SLC2A9: variants seen among roughly 807,000 people sequenced by gnomAD.
SLC2A9 encodes solute carrier family 2 member 9.
A neutral mutation model predicts 50.6 loss-of-function variants in SLC2A9; 39 were observed. The observed-to-expected ratio is 0.77, with a 90% CI of 0.60 to 1.01. The LOEUF (loss-of-function observed/expected upper bound fraction) is 1.01. Ranked by LOEUF, SLC2A9 falls within the 50% of genes least tolerant of loss-of-function variation. SLC2A9 has a pLI of 0.00. For missense variants in SLC2A9, 686 were observed against 677.6 expected (o/e 1.01, Z -0.14); for synonymous variants, 324 against 276.9 (o/e 1.17, Z -1.69).
chr4:10,002,757 G>T (rs1242686077), intron 2 of SLC2A9, among the ~76,000 whole-genome samples: 3 of 152,196 alleles, frequency 2.0e-5, no homozygotes, highest in Non-Finnish European at 2.9e-5. Context: ...GGAGGCTGAG[G>T]CTGGGGAATA....
intron 10 of SLC2A9, chr4:9,879,432 G>A (rs1424263665): frequency 1.0e-6 from 1 of 985,336 alleles, no homozygotes; most frequent in African/African-American, 1.7e-5. Context: ...GCAGCTGCCT[G>A]TGGCTCCAGA....
chr4:9,789,602 G>T (rs1173794658), intron 3 of SLC2A9, among the ~76,000 whole-genome samples: 1 of 152,180 alleles, frequency 6.6e-6, no homozygotes, highest in Non-Finnish European at 1.5e-5. Flanking sequence ...TGAGGGGAGA[G>T]TTAAGCGGAG....
intron 6 of SLC2A9, chr4:9,924,173 T>C (rs1255436043): frequency 6.6e-6 from 1 of 152,252 alleles, no homozygotes; most frequent in African/African-American, 2.4e-5. Context: ...CATTATCTTA[T>C]GACCAACAAG....
chr4:9,956,336 A>T (rs1201472234), intron 5 of SLC2A9, among the ~76,000 whole-genome samples: 1 of 151,406 alleles, frequency 6.6e-6, no homozygotes, highest in East Asian at 2.0e-4. Context: ...ACAAAAAAAA[A>T]TTAGCCGGGC....
At chr4:9,834,645 A>G (rs1013507227) in intron 11 of SLC2A9, among the ~76,000 whole-genome samples, 2 of 152,200 alleles carry the variant, frequency 1.3e-5, no homozygotes, top group Non-Finnish European at 2.9e-5. Context: ...ACCGTCAGCA[A>G]TGGGTAGCCC....
At chr4:9,920,314 C>T in intron 7 of SLC2A9, 71 bp downstream of exon 7, 1 of 1,565,286 alleles carries the variant, frequency 6.4e-7, no homozygotes, top group Admixed American at 1.7e-5. Context: ...GTCTGGGGCC[C>T]AAGCCCTGAA....
At chr4:9,782,203 C>A (rs764915017) in intron 3 of SLC2A9, 2 of 1,610,194 alleles carry the variant, frequency 1.2e-6, no homozygotes, top group Admixed American at 1.7e-5. Flanking sequence ...TGCTGGGCAA[C>A]GTGCTGGTGT....
At chr4:9,831,319 T>C (rs1245623070) in intron 11 of SLC2A9, among the ~76,000 whole-genome samples, 1 of 152,116 alleles carries the variant, frequency 6.6e-6, no homozygotes, top group East Asian at 1.9e-4. Context: ...TATCCTGCTA[T>C]TCTCATAAGA....
At chr4:9,946,698 C>G (rs868317073) in intron 5 of SLC2A9, among the ~76,000 whole-genome samples, 2 of 152,166 alleles carry the variant, frequency 1.3e-5, no homozygotes, top group Admixed American at 6.5e-5. Flanking sequence ...TGCCCAGCTC[C>G]CTGCTAAGTG....
At chr4:9,771,425 GA>G in intron 1 of SLC2A9, 1 of 398,732 alleles carries the variant, frequency 2.5e-6, no homozygotes, top group Non-Finnish European at 4.4e-6. Flanking sequence ...TCCTGACAAG[GA>G]GATCTGCAGC....
downstream of SLC2A9, among the ~76,000 whole-genome samples, chr4:9,795,195 T>G (rs1159200080): frequency 2.0e-5 from 3 of 151,822 alleles, no homozygotes; most frequent in Non-Finnish European, 4.4e-5. Flanking sequence ...GTATTTTTAG[T>G]ATAGACAGGG....
At chr4:9,892,898 A>G (rs1379478374) in intron 8 of SLC2A9, among the ~76,000 whole-genome samples, 21 of 152,194 alleles carry the variant, frequency 1.4e-4, no homozygotes, top group Admixed American at 1.3e-3. Flanking sequence ...CTGAGCACCT[A>G]CTATGTGCCA....
At chr4:10,005,168 A>G (rs1760556354) in intron 2 of SLC2A9, among the ~76,000 whole-genome samples, 2 of 152,240 alleles carry the variant, frequency 1.3e-5, no homozygotes, top group Admixed American at 1.3e-4. Context: ...ATAACATGGA[A>G]TAAAAATGCC....
At chr4:9,851,313 G>C (rs1441099300) in intron 10 of SLC2A9, among the ~76,000 whole-genome samples, 1 of 152,178 alleles carries the variant, frequency 6.6e-6, no homozygotes, top group Non-Finnish European at 1.5e-5. Flanking sequence ...GTGCTGAGCT[G>C]AGCGTTGGCT....
downstream of SLC2A9, among the ~76,000 whole-genome samples, chr4:9,823,157 C>G (rs946893581): frequency 5.3e-5 from 8 of 152,030 alleles, no homozygotes; most frequent in African/African-American, 1.7e-4. Flanking sequence ...TTTAGCGAAC[C>G]TGAAAAGAAG....
intron 3 of SLC2A9, among the ~76,000 whole-genome samples, chr4:9,820,637 G>GA (rs748044143): frequency 3.9e-5 from 6 of 152,128 alleles, no homozygotes; most frequent in Admixed American, 6.5e-5. Flanking sequence ...GTTTTCGGCA[G>GA]AAAACTAAAG....
chr4:9,970,779 A>T (rs953138201), intron 5 of SLC2A9, among the ~76,000 whole-genome samples: 4 of 152,230 alleles, frequency 2.6e-5, no homozygotes, highest in African/African-American at 9.6e-5. Flanking sequence ...AAGTGAAACC[A>T]AAGGCAGGCA....
chr4:9,904,748 T>C (rs1362907537), intron 8 of SLC2A9, among the ~76,000 whole-genome samples: 2 of 152,204 alleles, frequency 1.3e-5, no homozygotes, highest in African/African-American at 4.8e-5. Flanking sequence ...AGTAGCCTCA[T>C]CCTAAAGCCA....
At position 9,826,336 on chromosome 4, in the gene SLC2A9, G is replaced by C; in HGVS notation, c.*61C>G. 1 of 1,549,608 alleles carries C rather than the reference G, an allele frequency of 6.5e-7. No individual in the cohort carries two copies. The highest frequency in any genetic ancestry group is 1.7e-5 in the Admixed American group (1 of 59,890). On this transcript the variant is annotated 3_prime_UTR_variant, in exon 12 of 12. Coordinates refer to ENST00000264784, the MANE Select transcript of SLC2A9 (RefSeq NM_020041.3). ...AAATTTTAAGTTTCCTGAAAAGTGA[G>C]ATCATCCATGTAGACAATCCTGTTT...
Sources: gnomAD v4.1 joint callset for allele counts (sites outside exome capture counted in the v4.1 genomes callset) on GRCh38, gnomAD v4.1.1 for gene constraint, MANE v1.5 for transcripts, NCBI Gene and HGNC (gene_info 2026-07-23, HGNC 2026-07-21) for gene names.